The following IMMP2L variants were observed in gnomAD, a reference collection of about 807,000 sequenced individuals.
IMMP2L encodes mitochondrial inner membrane protease subunit 2.
In IMMP2L, 18 loss-of-function variants were observed where a neutral mutation model predicts 19.3. The ratio of observed to expected loss-of-function variants is 0.93; its 90% CI spans 0.64 to 1.38. The LOEUF is 1.38. Among genes scored for constraint, IMMP2L ranks in the 40% most tolerant of loss-of-function variants. The probability of loss-of-function intolerance (pLI) is 0.00; values close to 1 mark genes in which losing one functional copy is unlikely to be tolerated. For missense variants in IMMP2L, 233 were observed against 218.2 expected (o/e 1.07, Z -0.43); for synonymous variants, 76 against 73.0 (o/e 1.04, Z -0.21).
chr7:110,962,954 T>C, intron 4 of IMMP2L: 1 of 1,432,922 alleles, frequency 7.0e-7, no homozygotes, highest in Non-Finnish European at 9.1e-7. Flanking sequence ...TCTTGATTTA[T>C]CAGCAAGTAC....
At chr7:111,197,924 C>G (rs1292428230) in intron 3 of IMMP2L, among the ~76,000 whole-genome samples, 1 of 152,034 alleles carries the variant, frequency 6.6e-6, no homozygotes, top group Admixed American at 6.6e-5. Flanking sequence ...CAAAGATATA[C>G]CTTACAGTAA....
intron 3 of IMMP2L, among the ~76,000 whole-genome samples, chr7:111,185,301 A>C (rs1808145172): frequency 6.6e-6 from 1 of 152,196 alleles, no homozygotes; most frequent in South Asian, 2.1e-4. Flanking sequence ...AAAATTCCTC[A>C]TGCTGTGTGT....
At chr7:110,751,155 C>T (rs1797692480) in intron 5 of IMMP2L, among the ~76,000 whole-genome samples, 1 of 150,900 alleles carries the variant, frequency 6.6e-6, no homozygotes, top group Non-Finnish European at 1.5e-5. Context: ...CTTCGTCCCT[C>T]ACTAAGAGAC....
intron 5 of IMMP2L, among the ~76,000 whole-genome samples, chr7:110,827,293 TA>T (rs1803586093): frequency 6.6e-6 from 1 of 152,136 alleles, no homozygotes; most frequent in South Asian, 2.1e-4. Context: ...CTAGGCATTC[TA>T]ACCCCAAGTT....
intron 5 of IMMP2L, among the ~76,000 whole-genome samples, chr7:110,666,305 C>T (rs970743308): frequency 6.6e-6 from 1 of 152,068 alleles, no homozygotes; most frequent in African/African-American, 2.4e-5. Flanking sequence ...GACAGAGTCT[C>T]ACTCTGTCGC....
chr7:111,504,769 G>A (rs1425116582), intron 2 of IMMP2L, among the ~76,000 whole-genome samples: 15 of 152,172 alleles, frequency 9.9e-5, no homozygotes, highest in Admixed American at 3.3e-4. Flanking sequence ...GGCTAGCCAT[G>A]TGTAGAAAGC....
chr7:111,115,458 TG>T (rs1221872729), intron 3 of IMMP2L, among the ~76,000 whole-genome samples: 5 of 151,984 alleles, frequency 3.3e-5, no homozygotes, highest in African/African-American at 1.2e-4. Flanking sequence ...TGGTAATTTA[TG>T]AGTATACAGA....
At chr7:111,264,178 G>A (rs1817603389) in intron 3 of IMMP2L, among the ~76,000 whole-genome samples, 1 of 152,036 alleles carries the variant, frequency 6.6e-6, no homozygotes, top group African/African-American at 2.4e-5. Context: ...AGAAAATCAG[G>A]GGGAAAAGTC....
At chr7:111,502,077 C>T (rs1399246893) in intron 2 of IMMP2L, among the ~76,000 whole-genome samples, 4 of 152,080 alleles carry the variant, frequency 2.6e-5, no homozygotes, top group Non-Finnish European at 5.9e-5. Flanking sequence ...GGAAACCCAT[C>T]TCACGTGCAG....
chr7:111,112,323 T>C (rs1336781027), intron 3 of IMMP2L, among the ~76,000 whole-genome samples: 1 of 152,158 alleles, frequency 6.6e-6, no homozygotes, highest in African/African-American at 2.4e-5. Context: ...AGGAACTAAA[T>C]GACAAAGCTT....
intron 3 of IMMP2L, among the ~76,000 whole-genome samples, chr7:111,356,801 C>T (rs1216628948): frequency 6.6e-6 from 1 of 152,116 alleles, no homozygotes; most frequent in South Asian, 2.1e-4. Flanking sequence ...CTGAGGTAGG[C>T]GGATCACCTA....
At chr7:111,363,184 G>A (rs1359360852) in intron 3 of IMMP2L, among the ~76,000 whole-genome samples, 2 of 151,908 alleles carry the variant, frequency 1.3e-5, no homozygotes, top group African/African-American at 2.4e-5. Context: ...ATTATTGTTG[G>A]TGCCACAATA....
chr7:110,723,165 T>C lies in IMMP2L; in HGVS notation c.409-59444A>G, dbSNP rs534037372. ...GGCCATCAAGCTATAGTCTAAAACTTTGGTCACTGGACCATAAATGGGGAT... is the reference window on the plus strand; with the variant it reads ...GGCCATCAAGCTATAGTCTAAAACTCTGGTCACTGGACCATAAATGGGGAT... On this transcript the variant is annotated intron_variant, in intron 5 of 5. Transcript: ENST00000405709. Among the ~76,000 whole-genome samples, 133 of 152,304 alleles carry C rather than the reference T, an allele frequency of 8.7e-4. 2 individuals are homozygous for C. Among genetic ancestry groups the C allele is most frequent in the Non-Finnish European group, 1.5e-3 (104 of 68,008 alleles).
At chr7:111,078,198 G>A (rs995166444) in intron 3 of IMMP2L, among the ~76,000 whole-genome samples, 2 of 152,066 alleles carry the variant, frequency 1.3e-5, no homozygotes, top group African/African-American at 4.8e-5. Context: ...AAGCATCTAG[G>A]ACAAAACCTG....
intron 5 of IMMP2L, among the ~76,000 whole-genome samples, chr7:110,714,574 TG>T (rs1248500826): frequency 6.6e-6 from 1 of 152,112 alleles, no homozygotes; most frequent in Non-Finnish European, 1.5e-5. Flanking sequence ...TGAGTCCATC[TG>T]GTACAGAGCT....
chr7:110,996,353 C>G (rs1333733060), intron 3 of IMMP2L, among the ~76,000 whole-genome samples: 1 of 152,028 alleles, frequency 6.6e-6, no homozygotes, highest in Non-Finnish European at 1.5e-5. Context: ...AAGAAGGCAA[C>G]TGTGGCGGGA....
rs970651134 is a variant in IMMP2L, at chr7:110,886,650, G to A, written c.351C>T (p.His117=). ...CATGATGATCACCTTCAACCCAGAT[G>A]TGACCACGGGGGACTTTGACATACC... ...KNRYVKVPRG[H]IWVEGDHHGH... Residue 117 remains histidine (H), a synonymous_variant, in exon 5 of 6, where the codon CAC becomes CAT. Transcript: ENST00000405709. 1 of 1,609,970 alleles carries A rather than the reference G, an allele frequency of 6.2e-7. No individual in the cohort carries two copies.
intron 5 of IMMP2L, among the ~76,000 whole-genome samples, chr7:110,777,257 G>A (rs1460367827): frequency 6.6e-6 from 1 of 151,902 alleles, no homozygotes; most frequent in South Asian, 2.1e-4. Context: ...ACTTGGTTGG[G>A]CCACATCTGG....
chr7:111,016,544 A>C (rs1303059558), intron 3 of IMMP2L, among the ~76,000 whole-genome samples: 1 of 119,390 alleles, frequency 8.4e-6, no homozygotes, highest in Non-Finnish European at 1.6e-5. Context: ...ATATATTATA[A>C]TATATAGTAT....
Sources: gnomAD v4.1 joint callset for allele counts (sites outside exome capture counted in the v4.1 genomes callset) on GRCh38, gnomAD v4.1.1 for gene constraint, MANE v1.5 for transcripts, NCBI Gene and HGNC (gene_info 2026-07-23, HGNC 2026-07-21) for gene names.